SPNS3: variants seen among roughly 807,000 people sequenced by gnomAD.
SPNS3 encodes SPNS lysolipid transporter 3, sphingosine-1-phosphate (putative).
A neutral mutation model predicts 54.4 loss-of-function variants in SPNS3; 51 were observed. That is an observed-to-expected ratio of 0.94 (90% CI 0.75 to 1.18). The LOEUF is 1.18. SPNS3 is among the 50% of genes most tolerant of loss of function. The probability of loss-of-function intolerance (pLI) is 0.00; values close to 1 mark genes in which losing one functional copy is unlikely to be tolerated. For missense variants in SPNS3, 669 were observed against 677.4 expected, an observed-to-expected ratio of 0.99 and a Z score of 0.14; for synonymous variants, 309 against 294.7, an observed-to-expected ratio of 1.05 and a Z score of -0.50.
chr17:4,440,773 G>A (rs1339279208), intron 2 of SPNS3, among the ~76,000 whole-genome samples: 1 of 152,200 alleles, frequency 6.6e-6, no homozygotes, highest in African/African-American at 2.4e-5. Flanking sequence ...TGGGAGCAAA[G>A]CAGAGAGCAT....
intron 2 of SPNS3, among the ~76,000 whole-genome samples, chr17:4,441,903 C>CCA (rs1420903444): frequency 6.6e-6 from 1 of 151,722 alleles, no homozygotes; most frequent in East Asian, 1.9e-4. Flanking sequence ...ACGTGAGCCA[C>CCA]CACACTGGCC....
At chr17:4,476,465 T>A (rs1396228636) in intron 8 of SPNS3, among the ~76,000 whole-genome samples, 6 of 152,002 alleles carry the variant, frequency 3.9e-5, no homozygotes, top group Admixed American at 2.6e-4. Flanking sequence ...GGGGACAGCG[T>A]GCCTGGGCTG....
intron 8 of SPNS3, among the ~76,000 whole-genome samples, chr17:4,478,301 GC>G (rs1972063305): frequency 6.6e-6 from 1 of 152,024 alleles, no homozygotes; most frequent in East Asian, 1.9e-4. Flanking sequence ...TTTAAAAGTG[GC>G]CTGGGAGGAG....
chr17:4,462,742 C>T (rs1220694474), intron 8 of SPNS3, among the ~76,000 whole-genome samples: 3 of 112,158 alleles, frequency 2.7e-5, no homozygotes, highest in Non-Finnish European at 5.9e-5. Flanking sequence ...TCCACCAATC[C>T]ATCCATCCAC....
At chr17:4,458,621 C>CTTTCTTTCTTTCTTTCTTTCTTTCTTTCT (rs1971403420) in intron 8 of SPNS3, among the ~76,000 whole-genome samples, 46 of 115,062 alleles carry the variant, frequency 4.0e-4, no homozygotes, top group Non-Finnish European at 5.9e-4. Flanking sequence ...TTCTTTCTTT[C>CTTTCTTTCTTTCTTTCTTTCTTTCTTTCT]TTTCTTTCTT....
intron 8 of SPNS3, among the ~76,000 whole-genome samples, chr17:4,469,106 A>T (rs1283488512): frequency 6.6e-6 from 1 of 150,636 alleles, no homozygotes; most frequent in Non-Finnish European, 1.5e-5. Context: ...GTTTTCTAAG[A>T]CAGGTTCTTG....
chr17:4,461,366 T>TC (rs1225877160), intron 8 of SPNS3, among the ~76,000 whole-genome samples: 3 of 110,540 alleles, frequency 2.7e-5, no homozygotes, highest in East Asian at 4.2e-4. Context: ...CTTTTCTTTT[T>TC]TTTTTTTTTT....
chr17:4,438,204 T>C (rs577853962), intron 1 of SPNS3, among the ~76,000 whole-genome samples: 5 of 152,314 alleles, frequency 3.3e-5, no homozygotes, highest in East Asian at 3.9e-4. Flanking sequence ...GGGGACCCAC[T>C]TGGGGGCTTC....
intron 8 of SPNS3, among the ~76,000 whole-genome samples, chr17:4,467,023 G>A (rs1302762835): frequency 6.6e-6 from 1 of 152,074 alleles, no homozygotes; most frequent in African/African-American, 2.4e-5. Flanking sequence ...TGGGGGTGGA[G>A]CGGGGAAGCG....
chr17:4,447,237 G>A (rs944409780), intron 5 of SPNS3, among the ~76,000 whole-genome samples: 12 of 152,162 alleles, frequency 7.9e-5, no homozygotes, highest in African/African-American at 2.9e-4. Flanking sequence ...TTTGCCTGTC[G>A]GTAAAGCGGG....
chr17:4,480,649 G>T (rs532924318), intron 9 of SPNS3, among the ~76,000 whole-genome samples: 7 of 151,632 alleles, frequency 4.6e-5, no homozygotes, highest in Admixed American at 2.6e-4. Flanking sequence ...TTAAAGAGGA[G>T]AGTGTGTGCT....
At chr17:4,442,356 A>T (rs1269523140) in intron 2 of SPNS3, among the ~76,000 whole-genome samples, 1 of 151,892 alleles carries the variant, frequency 6.6e-6, no homozygotes, top group Admixed American at 6.6e-5. Context: ...AACATGGTGA[A>T]ACCTCGTCTC....
At chr17:4,470,635 A>G (rs901662618) in intron 8 of SPNS3, among the ~76,000 whole-genome samples, 1 of 152,074 alleles carries the variant, frequency 6.6e-6, no homozygotes, top group African/African-American at 2.4e-5. Context: ...CCCGGGCCCT[A>G]GGCAGCTGCT....
intron 1 of SPNS3, among the ~76,000 whole-genome samples, chr17:4,437,927 C>T (rs534409773): frequency 4.0e-4 from 61 of 152,054 alleles, no homozygotes; most frequent in African/African-American, 1.3e-3. Context: ...GCTGGGACTA[C>T]AGGCCTGTGC....
At chr17:4,468,477 T>C (rs2144151591) in intron 8 of SPNS3, among the ~76,000 whole-genome samples, 1 of 151,714 alleles carries the variant, frequency 6.6e-6, no homozygotes, top group South Asian at 2.1e-4. Context: ...CCTGACAGAC[T>C]GGGTGTGAAA....
intron 7 of SPNS3, 83 bp from the exon 8 acceptor site, chr17:4,452,933 T>G (rs1345418671): frequency 3.6e-6 from 5 of 1,388,934 alleles, no homozygotes; most frequent in Admixed American, 1.9e-5. Flanking sequence ...GCCGAGGGGC[T>G]AGACCTGGGG....
rs750443431 is a variant in SPNS3, at chr17:4,449,268, C to T, written c.804C>T (p.Thr268=). 6.1e-5 allele frequency: 99 copies of T among 1,611,990 alleles called. No homozygotes were observed. The highest frequency in any genetic ancestry group is 7.5e-5 in the Non-Finnish European group (89 of 1,179,838). Residue 268 remains threonine (T), a synonymous_variant, in exon 7 of 12, where the codon ACC becomes ACT. Coordinates refer to ENST00000355530, the MANE Select transcript of SPNS3 (RefSeq NM_182538.5). Reference sequence around the variant, plus strand: ...TCGTGTGGTCGACCCTCGGAGTGACCGCCATGGCCTTTGTGACTGGAGCCC... The same window carrying T: ...TCGTGTGGTCGACCCTCGGAGTGACTGCCATGGCCTTTGTGACTGGAGCCC... ...WSFVWSTLGV[T]AMAFVTGALG... is the part of the protein sequence containing the mutation.
At chr17:4,457,434 G>A (rs971241047) in intron 8 of SPNS3, among the ~76,000 whole-genome samples, 2 of 152,182 alleles carry the variant, frequency 1.3e-5, no homozygotes, top group African/African-American at 2.4e-5. Context: ...TGGCCGTGAC[G>A]CCTCCAAAGT....
At chr17:4,435,005 G>C (rs1036238931) in intron 1 of SPNS3, among the ~76,000 whole-genome samples, 2 of 143,568 alleles carry the variant, frequency 1.4e-5, no homozygotes, top group African/African-American at 5.2e-5. Flanking sequence ...GTTTTGCCGT[G>C]TATGCCAGGC....
Sources: gnomAD v4.1 joint callset for allele counts (sites outside exome capture counted in the v4.1 genomes callset) on GRCh38, gnomAD v4.1.1 for gene constraint, MANE v1.5 for transcripts, NCBI Gene and HGNC (gene_info 2026-07-23, HGNC 2026-07-21) for gene names.